DCC: variants seen among roughly 807,000 people sequenced by gnomAD.
The protein encoded by DCC is DCC netrin 1 receptor, also known as netrin receptor DCC.
DCC carries 58 observed loss-of-function variants against 172.5 expected under a neutral mutation model. That is an observed-to-expected ratio of 0.34 (90% CI 0.27 to 0.42). The LOEUF (loss-of-function observed/expected upper bound fraction) is 0.42, where lower values mean the gene tolerates loss of function less well. Ranked by LOEUF, DCC falls within the 10% of genes least tolerant of loss-of-function variation. The pLI is 1.00. For synonymous variants in DCC, 709 were observed against 644.5 expected (o/e 1.10, Z -1.52); for missense variants, 1,740 against 1,791.0 (o/e 0.97, Z 0.51).
intron 1 of DCC, among the ~76,000 whole-genome samples, chr18:52,527,912 C>T (rs531490217): frequency 3.3e-5 from 5 of 152,164 alleles, no homozygotes; most frequent in Non-Finnish European, 5.9e-5. Flanking sequence ...GCCTTATTTC[C>T]ACAGAATGAT....
intron 9 of DCC, among the ~76,000 whole-genome samples, chr18:53,193,322 G>T (rs1336813071): frequency 6.6e-6 from 1 of 151,818 alleles, no homozygotes; most frequent in Non-Finnish European, 1.5e-5. Flanking sequence ...ATATTAGACT[G>T]TGAGTTCTAT....
chr18:53,153,801 G>A (rs1281128871), intron 7 of DCC, among the ~76,000 whole-genome samples: 2 of 152,132 alleles, frequency 1.3e-5, no homozygotes, highest in East Asian at 1.9e-4. Flanking sequence ...TTCTGTGAAG[G>A]CCTAGGCAAT....
At chr18:52,623,928 C>T (rs1262087159) in intron 1 of DCC, among the ~76,000 whole-genome samples, 3 of 152,138 alleles carry the variant, frequency 2.0e-5, no homozygotes, top group Non-Finnish European at 2.9e-5. Flanking sequence ...ATTGAATACA[C>T]AGGGAAAGAG....
intron 12 of DCC, among the ~76,000 whole-genome samples, chr18:53,255,753 G>T (rs965461833): frequency 6.6e-6 from 1 of 152,056 alleles, no homozygotes; most frequent in South Asian, 2.1e-4. Context: ...GAGTCAAATG[G>T]TATTTCTAGT....
At chr18:52,988,025 A>G (rs2041322644) in intron 5 of DCC, among the ~76,000 whole-genome samples, 1 of 152,180 alleles carries the variant, frequency 6.6e-6, no homozygotes, top group Admixed American at 6.6e-5. Context: ...GGTAATTTGT[A>G]TTTTAGTGTT....
At chr18:53,109,816 A>G (rs1156719464) in intron 7 of DCC, among the ~76,000 whole-genome samples, 3 of 151,712 alleles carry the variant, frequency 2.0e-5, no homozygotes, top group South Asian at 2.1e-4. Context: ...GTAGTTCTCA[A>G]TGGAAAGGTG....
intron 1 of DCC, among the ~76,000 whole-genome samples, chr18:52,501,819 C>T (rs1416629964): frequency 6.6e-6 from 1 of 152,168 alleles, no homozygotes; most frequent in African/African-American, 2.4e-5. Flanking sequence ...TGATAGAAAA[C>T]AGACTAAGGT....
At chr18:52,893,130 T>A (rs1178773671) in intron 2 of DCC, among the ~76,000 whole-genome samples, 1 of 152,164 alleles carries the variant, frequency 6.6e-6, no homozygotes, top group Non-Finnish European at 1.5e-5. Flanking sequence ...CTCTACTGCA[T>A]CTTTGTATTG....
chr18:53,128,864 CACACACAT>C (rs1482626979), intron 7 of DCC, among the ~76,000 whole-genome samples: 32 of 72,110 alleles, frequency 4.4e-4, no homozygotes, highest in East Asian at 1.8e-3. Flanking sequence ...CACACACACA[CACACACAT>C]ATATATATAT....
rs115820668 is a variant in DCC, at chr18:52,768,830, C to A, written c.412+16456C>A. ...TACCTTGAAATACCTACAGTTTAAT[C>A]TCTGGAAGAATTAGTTTTTAGAAAG... On this transcript the variant is annotated intron_variant, in intron 2 of 28. Coordinates refer to ENST00000442544, the MANE Select transcript of DCC (RefSeq NM_005215.4). 7.4e-3 allele frequency among the ~76,000 whole-genome samples: 1,122 copies of A among 152,192 alleles called. 14 individuals are homozygous for A. Among genetic ancestry groups the A allele is most frequent in the African/African-American group, 0.026 (1,062 of 41,518 alleles).
At chr18:52,733,166 T>C (rs1568069965) in intron 1 of DCC, among the ~76,000 whole-genome samples, 1 of 152,142 alleles carries the variant, frequency 6.6e-6, no homozygotes, top group Non-Finnish European at 1.5e-5. Context: ...AGTTACTGAA[T>C]GTGATGGAGA....
At chr18:52,354,567 C>T (rs1041784008) in intron 1 of DCC, among the ~76,000 whole-genome samples, 2 of 152,104 alleles carry the variant, frequency 1.3e-5, no homozygotes, top group African/African-American at 4.8e-5. Flanking sequence ...ATCTTTTGGA[C>T]ATGATAGGAT....
intron 1 of DCC, among the ~76,000 whole-genome samples, chr18:52,478,679 C>G (rs1012083817): frequency 6.6e-6 from 1 of 152,154 alleles, no homozygotes; most frequent in Non-Finnish European, 1.5e-5. Flanking sequence ...GGGGAGCAGA[C>G]ACATAACATA....
intron 11 of DCC, among the ~76,000 whole-genome samples, chr18:53,214,140 T>G (rs1365898148): frequency 1.3e-5 from 2 of 152,024 alleles, no homozygotes; most frequent in African/African-American, 2.4e-5. Context: ...TTAAATAACA[T>G]TTTATAAATT....
chr18:53,458,507 C>T (rs539127643), intron 23 of DCC, among the ~76,000 whole-genome samples: 9 of 152,316 alleles, frequency 5.9e-5, no homozygotes, highest in Admixed American at 5.9e-4. Context: ...ACACAGGGAA[C>T]ATTTAATCTC....
chr18:52,897,451 A>C (rs992217990), intron 2 of DCC, among the ~76,000 whole-genome samples: 1 of 152,222 alleles, frequency 6.6e-6, no homozygotes, highest in African/African-American at 2.4e-5. Context: ...ACTCTATTCA[A>C]ACATTTAGAG....
chr18:53,361,866 G>A lies in DCC; in HGVS notation c.2359+21959G>A, dbSNP rs745808217. 7.2e-5 allele frequency among the ~76,000 whole-genome samples: 11 copies of A among 152,106 alleles called. 1 individual carries two copies. The highest frequency in any genetic ancestry group is 2.0e-4 in the Admixed American group (3 of 15,262). On this transcript the variant is annotated intron_variant, in intron 15 of 28. Transcript: ENST00000442544. ...GTAGAGCCTGGAATTTTAAACACAA[G>A]AGTAAAAGTAGATGATTTTTCTTTA...
intron 5 of DCC, among the ~76,000 whole-genome samples, chr18:53,054,949 T>C (rs2042384121): frequency 6.6e-6 from 1 of 152,148 alleles, no homozygotes. Context: ...TAATATTCTA[T>C]AGGTGCAATT....
In DCC at chr18:53,168,916, G is replaced by C. The variant is rs541181908; in HGVS notation, c.1419-10046G>C. 2.0e-5 allele frequency among the ~76,000 whole-genome samples: 3 copies of C among 152,142 alleles called. No individual in the cohort carries two copies. In the East Asian group the frequency reaches 5.8e-4, roughly 29 times the overall value. ...GAATGGCAGCTAGCACAAGGTTGTG[G>C]GCATGGAGTTGACAGGTTATGTGTG... On this transcript the variant is annotated intron_variant, in intron 8 of 28. Coordinates refer to ENST00000442544, the MANE Select transcript of DCC (RefSeq NM_005215.4).
Sources: gnomAD v4.1 joint callset for allele counts (sites outside exome capture counted in the v4.1 genomes callset) on GRCh38, gnomAD v4.1.1 for gene constraint, MANE v1.5 for transcripts, NCBI Gene and HGNC (gene_info 2026-07-23, HGNC 2026-07-21) for gene names.